Variants in CSMD1 observed in about 807,000 individuals in gnomAD.
CSMD1 encodes the protein CUB and Sushi multiple domains 1.
In CSMD1, 213 loss-of-function variants were observed where a neutral mutation model predicts 417.5. The ratio of observed to expected loss-of-function variants is 0.51; its 90% CI spans 0.46 to 0.57. The LOEUF (loss-of-function observed/expected upper bound fraction) is 0.57, where lower values mean the gene tolerates loss of function less well. Among genes scored for constraint, CSMD1 ranks in the 20% least tolerant of loss-of-function variants. The pLI is 0.00. For missense variants in CSMD1, 6,923 were observed against 4,529.7 expected, an observed-to-expected ratio of 1.53 and a Z score of -15.17; for synonymous variants, 2,862 against 1,736.8, an observed-to-expected ratio of 1.65 and a Z score of -16.11.
At chr8:4,880,316 G>A (rs2116952014) in intron 1 of CSMD1, among the ~76,000 whole-genome samples, 1 of 152,148 alleles carries the variant, frequency 6.6e-6, no homozygotes, top group South Asian at 2.1e-4. Context: ...TGATTCCACT[G>A]CAAACTCATA....
chr8:4,821,910 TTG>T (rs1317611289), intron 1 of CSMD1, among the ~76,000 whole-genome samples: 28 of 152,220 alleles, frequency 1.8e-4, no homozygotes, highest in African/African-American at 6.3e-4. Flanking sequence ...GTAATCACAT[TTG>T]CTTGCCTGCT....
Position 4,837,031 on chromosome 8 carries a change from G to T in CSMD1, c.85+157301C>A, listed in dbSNP as rs115237043. Among the ~76,000 whole-genome samples, 1,036 of 149,502 alleles carry T rather than the reference G, an allele frequency of 6.9e-3. 10 individuals are homozygous for T. Among genetic ancestry groups the T allele is most frequent in the African/African-American group, 0.026 (1,011 of 39,094 alleles). On this transcript the variant is annotated intron_variant, in intron 1 of 69. Transcript: ENST00000635120. Reference sequence around the variant, plus strand: ...ACAGGGCTCTGGCCTTGATGTTGTTGTTGTTGTTAAGAGACCACCCATAAG... The same window carrying T: ...ACAGGGCTCTGGCCTTGATGTTGTTTTTGTTGTTAAGAGACCACCCATAAG...
chr8:3,966,852 C>G (rs1812710521), intron 5 of CSMD1, among the ~76,000 whole-genome samples: 3 of 152,148 alleles, frequency 2.0e-5, no homozygotes, highest in Admixed American at 6.5e-5. Context: ...ACACTAAGCT[C>G]TATTATGCTG....
At chr8:3,560,772 A>G (rs1390015138) in intron 10 of CSMD1, among the ~76,000 whole-genome samples, 1 of 152,154 alleles carries the variant, frequency 6.6e-6, no homozygotes, top group East Asian at 1.9e-4. Context: ...TTGGCTATAT[A>G]TCTCCTTGAT....
At position 4,850,715 on chromosome 8, in the gene CSMD1, G is replaced by A. The variant is rs147704223; in HGVS notation, c.85+143617C>T. ...CTCTCTGGATGAAGTGCAGAGTGTC[G>A]TGAAGCAGTTGTGTGCACTCATTGT... is the stretch of plus-strand genomic sequence containing the variant. On this transcript the variant is annotated intron_variant, in intron 1 of 69. Coordinates refer to ENST00000635120, the MANE Select transcript of CSMD1 (RefSeq NM_033225.6). Among the ~76,000 whole-genome samples, 16 of 152,022 alleles carry A rather than the reference G, an allele frequency of 1.1e-4. No homozygotes were observed. The East Asian group carries it at 1.2e-3, about 11-fold the overall frequency.
At chr8:3,962,725 C>CG (rs1812413947) in intron 5 of CSMD1, among the ~76,000 whole-genome samples, 1 of 152,028 alleles carries the variant, frequency 6.6e-6, no homozygotes, top group African/African-American at 2.4e-5. Flanking sequence ...GCAGACTCTT[C>CG]GGGTTGGACT....
intron 52 of CSMD1, among the ~76,000 whole-genome samples, chr8:3,012,944 G>T (rs1585148342): frequency 6.6e-6 from 1 of 152,272 alleles, no homozygotes; most frequent in East Asian, 1.9e-4. Context: ...AGTCTCACAA[G>T]ATCCAATGGT....
chr8:3,159,850 C>A (rs1460299457), intron 38 of CSMD1, among the ~76,000 whole-genome samples: 4 of 152,168 alleles, frequency 2.6e-5, no homozygotes, highest in South Asian at 4.1e-4. Flanking sequence ...AGAATTATTT[C>A]TATTTTCTTC....
At chr8:4,291,214 C>T (rs528174809) in intron 3 of CSMD1, among the ~76,000 whole-genome samples, 4 of 151,306 alleles carry the variant, frequency 2.6e-5, no homozygotes, top group African/African-American at 9.7e-5. Flanking sequence ...ATTTTAAAAA[C>T]AAAAATAATA....
rs372610883 is a variant in CSMD1, at chr8:4,786,755, CAT to C, written c.86-149199_86-149198del. On this transcript the variant is annotated intron_variant, in intron 1 of 69. Transcript: ENST00000635120. ...TTATCTTTATTTTTTTTTCTTAACA[CAT>C]GTTTCTTTTGCCTCAAACTTCAAGC... is the stretch of plus-strand genomic sequence containing the variant. Among the ~76,000 whole-genome samples, 155 of 152,002 alleles carry C rather than the reference CAT, an allele frequency of 1.0e-3. 1 individual carries two copies. In the East Asian group the frequency reaches 0.014, roughly 14 times the overall value.
At chr8:4,567,930 C>T (rs150647988) in intron 2 of CSMD1, among the ~76,000 whole-genome samples, 116 of 152,258 alleles carry the variant, frequency 7.6e-4, no homozygotes, top group African/African-American at 2.7e-3. Flanking sequence ...TGAAATTGCA[C>T]TTTCTGTCCA....
At chr8:4,157,153 A>G (rs937010221) in intron 3 of CSMD1, among the ~76,000 whole-genome samples, 3 of 152,166 alleles carry the variant, frequency 2.0e-5, no homozygotes, top group Non-Finnish European at 4.4e-5. Flanking sequence ...TAAGTGGTAG[A>G]AGAAACATCA....
At chr8:4,356,738 C>A (rs1359963569) in intron 3 of CSMD1, among the ~76,000 whole-genome samples, 2 of 152,088 alleles carry the variant, frequency 1.3e-5, no homozygotes, top group Non-Finnish European at 2.9e-5. Flanking sequence ...AGTGAGGGCA[C>A]CTTCTCCGGC....
chr8:3,215,550 C>T (rs1170118143), intron 29 of CSMD1, among the ~76,000 whole-genome samples: 3 of 152,248 alleles, frequency 2.0e-5, no homozygotes, highest in African/African-American at 7.2e-5. Context: ...GACCTGCCCA[C>T]TTCTGGGGCC....
At chr8:4,987,746 A>G (rs1460873412) in intron 1 of CSMD1, among the ~76,000 whole-genome samples, 4 of 152,162 alleles carry the variant, frequency 2.6e-5, no homozygotes, top group East Asian at 3.9e-4. Context: ...CCCTCCCTCA[A>G]TGTGGGTGGG....
At chr8:4,312,880 C>T (rs1219735581) in intron 3 of CSMD1, among the ~76,000 whole-genome samples, 1 of 152,042 alleles carries the variant, frequency 6.6e-6, no homozygotes, top group East Asian at 1.9e-4. Flanking sequence ...CATTAAAAAA[C>T]AAAAAGCTTT....
At chr8:4,435,728 G>C (rs1435078799) in intron 2 of CSMD1, among the ~76,000 whole-genome samples, 2 of 152,146 alleles carry the variant, frequency 1.3e-5, no homozygotes, top group African/African-American at 2.4e-5. Flanking sequence ...GCTGCCTTGA[G>C]ATCTGTCTTG....
At chr8:3,699,093 T>G (rs752513652) in intron 7 of CSMD1, among the ~76,000 whole-genome samples, 2 of 152,226 alleles carry the variant, frequency 1.3e-5, no homozygotes, top group African/African-American at 4.8e-5. Context: ...ATTCTTCAAA[T>G]GACCTTCCTA....
Position 4,551,026 on chromosome 8 carries a change from C to T in CSMD1, c.302+86316G>A, listed in dbSNP as rs1797846240. 2.0e-5 allele frequency among the ~76,000 whole-genome samples: 3 copies of T among 152,254 alleles called. No individual in the cohort carries two copies. In the South Asian group the frequency reaches 6.2e-4, roughly 32 times the overall value. On this transcript the variant is annotated intron_variant, in intron 2 of 69. Coordinates refer to ENST00000635120, the MANE Select transcript of CSMD1 (RefSeq NM_033225.6). Reference sequence around the variant, plus strand: ...TAATATCAGGATTTATAAAATCCTGCCTTTTGAAGTAGTCCTTGACAACAA... The same window carrying T: ...TAATATCAGGATTTATAAAATCCTGTCTTTTGAAGTAGTCCTTGACAACAA...
Sources: gnomAD v4.1 joint callset for allele counts (sites outside exome capture counted in the v4.1 genomes callset) on GRCh38, gnomAD v4.1.1 for gene constraint, MANE v1.5 for transcripts, NCBI Gene and HGNC (gene_info 2026-07-23, HGNC 2026-07-21) for gene names.